Variants in BRF1 observed in about 807,000 individuals in gnomAD.
The protein encoded by BRF1 is transcription factor IIIB 90 kDa subunit.
BRF1 carries 59 observed loss-of-function variants against 81.7 expected under a neutral mutation model. The ratio of observed to expected loss-of-function variants is 0.72; its 90% confidence interval spans 0.59 to 0.90. The LOEUF (loss-of-function observed/expected upper bound fraction) is 0.90, where lower values mean the gene tolerates loss of function less well. Ranked by LOEUF, BRF1 falls within the 40% of genes least tolerant of loss-of-function variation. The pLI, the probability that BRF1 is intolerant of heterozygous loss-of-function variation, is 0.00. For synonymous variants in BRF1, 491 were observed against 395.6 expected (o/e 1.24, Z -2.86); for missense variants, 1,050 against 936.3 (o/e 1.12, Z -1.58).
At chr14:105,247,787 G>C (rs1266700633) in intron 5 of BRF1, 80 of 985,446 alleles carry the variant, frequency 8.1e-5, no homozygotes, top group Non-Finnish European at 9.5e-5. Flanking sequence ...AGCTTCGTCT[G>C]CACGCGAGCT....
intron 15 of BRF1, chr14:105,213,549 C>G (rs1037892012): frequency 6.6e-6 from 1 of 152,144 alleles, no homozygotes; most frequent in African/African-American, 2.4e-5. Context: ...TAGAGAGGAG[C>G]AGATGCTGGC....
chr14:105,296,596 T>A (rs587678374), intron 1 of BRF1, among the ~76,000 whole-genome samples: 59 of 145,678 alleles, frequency 4.1e-4, no homozygotes, highest in African/African-American at 1.4e-3. Context: ...CAGGAGAATC[T>A]CTTGAACCTG....
chr14:105,302,158 A>G (rs1376666590), upstream of BRF1, among the ~76,000 whole-genome samples: 1 of 150,478 alleles, frequency 6.6e-6, no homozygotes, highest in Admixed American at 6.6e-5. Flanking sequence ...AAAAAAAAAA[A>G]GAGAAAAAAG....
At chr14:105,261,574 A>G (rs1335376725) in intron 3 of BRF1, among the ~76,000 whole-genome samples, 1 of 152,260 alleles carries the variant, frequency 6.6e-6, no homozygotes, top group Non-Finnish European at 1.5e-5. Flanking sequence ...CTTACATGGA[A>G]AAGTTTACAG....
chr14:105,210,145 A>G lies in BRF1; in HGVS notation c.*406T>C, dbSNP rs1219869286. On this transcript the variant is annotated 3_prime_UTR_variant, in exon 18 of 18. Transcript: ENST00000547530. This position sits in a 1 kb window ranked among gnomAD's most constrained non-coding sequence, Gnocchi z 4.7. ...GGACGGTGCGGAGGGTGGGCTGGAG[A>G]CTCCAGAGCTGGTCCTGAGTCACAG... 1.7e-5 allele frequency: 4 copies of G among 242,126 alleles called. No individual in the cohort carries two copies. Among genetic ancestry groups the G allele is most frequent in the Non-Finnish European group, 2.4e-5 (3 of 124,978 alleles). The allele number at this position is 242,126 out of a possible 1,614,324, so 15.0% of individuals were successfully genotyped here.
At position 105,217,565 on chromosome 14, in the gene BRF1, G is replaced by A; in HGVS notation, c.1751C>T (p.Pro584Leu). The A allele has an allele frequency of 6.2e-7, 1 of 1,613,490 alleles. No individual in the cohort carries two copies. Among genetic ancestry groups the A allele is most frequent in the Non-Finnish European group, 8.5e-7 (1 of 1,179,938 alleles). Residue 584 changes from proline to leucine, a missense_variant, in exon 15 of 18, where the codon CCT (proline) becomes CTT (leucine). By Grantham distance (98) the Pro-to-Leu change is moderately conservative (BLOSUM62 -3). Coordinates refer to ENST00000547530, the MANE Select transcript of BRF1 (RefSeq NM_001519.4). ...RTPASRSGADPVTSVGKRLRP... is the reference protein window; with the variant it reads ...RTPASRSGADLVTSVGKRLRP... ...GTACCTTTTCCCCACACTGGTCACA[G>A]GGTCAGCCCCACTTCTGCTGGCCGG...
intron 5 of BRF1, chr14:105,250,064 C>G (rs561091813): frequency 6.2e-7 from 1 of 1,612,966 alleles, no homozygotes. Context: ...CTATCTGGTC[C>G]GAATTCCAAC....
chr14:105,254,686 T>C (rs934594354), intron 4 of BRF1, among the ~76,000 whole-genome samples: 1 of 152,160 alleles, frequency 6.6e-6, no homozygotes, highest in African/African-American at 2.4e-5. Flanking sequence ...CTCACCCTCC[T>C]AAGTAGCTGG....
intron 4 of BRF1, among the ~76,000 whole-genome samples, chr14:105,252,872 C>A (rs587693412): frequency 6.6e-6 from 1 of 152,210 alleles, no homozygotes; most frequent in Non-Finnish European, 1.5e-5. Flanking sequence ...ACACGGTGCA[C>A]GCAGCATTTC....
At chr14:105,228,730 C>G (rs191690366) in intron 7 of BRF1, 90 bp downstream of exon 7, 3 of 1,445,508 alleles carry the variant, frequency 2.1e-6, no homozygotes, top group African/African-American at 2.8e-5. Context: ...GGCAGGGTCC[C>G]GGGAGGTGGC....
At chr14:105,249,136 C>T (rs2055399244) in intron 5 of BRF1, 5 of 1,552,704 alleles carry the variant, frequency 3.2e-6, no homozygotes, top group South Asian at 2.3e-5. Flanking sequence ...ACGCCCCCAG[C>T]CCGTGCCTCT....
rs2057940388 is a variant in BRF1 at position 105,300,174 on chromosome 14, G to A, written c.184+272C>T. ...AGGGGCAGCTTGAGGGGCCTTCTGGGCTCCCCAGGCTCTCTTCAACCCTCC... is the reference window on the plus strand; with the variant it reads ...AGGGGCAGCTTGAGGGGCCTTCTGGACTCCCCAGGCTCTCTTCAACCCTCC... On this transcript the variant is annotated intron_variant, in intron 1 of 17. Coordinates refer to ENST00000547530, the MANE Select transcript of BRF1 (RefSeq NM_001519.4). Among the ~76,000 whole-genome samples, 3 of 152,376 alleles carry A rather than the reference G, an allele frequency of 2.0e-5. No homozygotes were observed. In the South Asian group the frequency reaches 6.2e-4, roughly 32 times the overall value.
At chr14:105,253,975 G>A (rs1027904230) in intron 4 of BRF1, among the ~76,000 whole-genome samples, 2 of 152,212 alleles carry the variant, frequency 1.3e-5, no homozygotes, top group Admixed American at 6.5e-5. Flanking sequence ...TGTGACTCAC[G>A]CATGTCATGT....
intron 1 of BRF1, among the ~76,000 whole-genome samples, chr14:105,306,741 G>A (rs1163603005): frequency 6.6e-6 from 1 of 152,152 alleles, no homozygotes; most frequent in East Asian, 1.9e-4. Context: ...AAGTAGCTAG[G>A]ATTACAGGCA....
chr14:105,220,254 C>G, intron 11 of BRF1, 124 bp from the exon 12 acceptor site: 1 of 1,048,212 alleles, frequency 9.5e-7, no homozygotes, highest in East Asian at 2.5e-5. Context: ...CCGTCCCCTC[C>G]TCTGCACTGG....
intron 3 of BRF1, among the ~76,000 whole-genome samples, chr14:105,270,960 G>A (rs1184043272): frequency 2.0e-5 from 3 of 152,192 alleles, no homozygotes; most frequent in East Asian, 3.9e-4. Context: ...GACACCCCTC[G>A]AGGGGGACCA....
chr14:105,265,045 CTTTTTTTTGTT>C (rs897889316), intron 3 of BRF1, among the ~76,000 whole-genome samples: 4 of 135,270 alleles, frequency 3.0e-5, no homozygotes, highest in African/African-American at 5.4e-5. Flanking sequence ...TCTACTTATC[CTTTTTTTTGTT>C]TTTTTTTTGT....
chr14:105,296,455 G>A (rs1408360137), intron 1 of BRF1, among the ~76,000 whole-genome samples: 2 of 152,002 alleles, frequency 1.3e-5, no homozygotes, highest in Non-Finnish European at 2.9e-5. Context: ...AGAGCTTACA[G>A]TGAGCCGAGA....
intron 5 of BRF1, among the ~76,000 whole-genome samples, chr14:105,245,187 C>T (rs1487789721): frequency 6.6e-6 from 1 of 151,978 alleles, no homozygotes; most frequent in Non-Finnish European, 1.5e-5. Flanking sequence ...AGCGAAACCC[C>T]GTCTCTACTA....
Sources: allele counts gnomAD v4.1 joint callset (sites outside exome capture counted in the v4.1 genomes callset), GRCh38; gene constraint gnomAD v4.1.1; non-coding constraint Gnocchi (gnomAD v3.1); transcripts MANE v1.5; gene names NCBI Gene and HGNC (gene_info 2026-07-23, HGNC 2026-07-21).